The following CACNA2D3 variants were observed in gnomAD, a reference collection of about 807,000 sequenced individuals.
CACNA2D3 encodes voltage-dependent calcium channel subunit alpha-2/delta-3.
In CACNA2D3, 60 loss-of-function variants were observed where a neutral mutation model predicts 160.6. The observed-to-expected ratio is 0.37, with a 90% CI of 0.30 to 0.46. The LOEUF (loss-of-function observed/expected upper bound fraction) is 0.46, where lower values mean the gene tolerates loss of function less well. Ranked by LOEUF, CACNA2D3 falls within the 20% of genes least tolerant of loss-of-function variation. The probability of loss-of-function intolerance (pLI) is 1.00; values close to 1 mark genes in which losing one functional copy is unlikely to be tolerated. For synonymous variants in CACNA2D3, 558 were observed against 492.9 expected (o/e 1.13, Z -1.75); for missense variants, 1,205 against 1,365.0 (o/e 0.88, Z 1.85).
intron 9 of CACNA2D3, among the ~76,000 whole-genome samples, chr3:54,616,559 A>G (rs1405371629): frequency 6.6e-6 from 1 of 152,178 alleles, no homozygotes; most frequent in Non-Finnish European, 1.5e-5. Flanking sequence ...AGGGCCCAAC[A>G]CAAGGGTCTG....
rs1031646072 is a variant in CACNA2D3, at chr3:54,473,762, G to A, written c.382-29730G>A. Among the ~76,000 whole-genome samples, 5 of 152,002 alleles carry A rather than the reference G, an allele frequency of 3.3e-5. No homozygotes were observed. In the East Asian group the frequency reaches 5.8e-4, roughly 18 times the overall value. On this transcript the variant is annotated intron_variant, in intron 4 of 37. Transcript: ENST00000474759. ...ACTTCTCAAAAGAAGACATTTATGC[G>A]GCCAACAAACATATGAAAAAAAGCT...
At chr3:54,476,153 G>C (rs563240387) in intron 4 of CACNA2D3, among the ~76,000 whole-genome samples, 2 of 147,468 alleles carry the variant, frequency 1.4e-5, no homozygotes, top group South Asian at 4.3e-4. Flanking sequence ...GTTCGTCCGT[G>C]TTATCTCAAA....
chr3:54,891,180 C>CGTGT (rs3836392), intron 24 of CACNA2D3, among the ~76,000 whole-genome samples, 175 bp from the exon 25 acceptor site: 42,979 of 141,730 alleles, frequency 0.3, 6,745 homozygotes, highest in East Asian at 0.54. Context: ...AATCTGTGCT[C>CGTGT]GTGTGTGTGT....
intron 27 of CACNA2D3, among the ~76,000 whole-genome samples, chr3:54,952,659 CAGAA>C (rs1271718465): frequency 2.0e-5 from 3 of 152,136 alleles, no homozygotes; most frequent in African/African-American, 7.2e-5. Context: ...ATTCTGAAGT[CAGAA>C]AGATCTGGTG....
Position 54,740,766 on chromosome 3 carries a change from C to T in CACNA2D3, c.1168-11833C>T, listed in dbSNP as rs76220874. Among the ~76,000 whole-genome samples, 406 of 152,246 alleles carry T rather than the reference C, an allele frequency of 2.7e-3. 12 individuals are homozygous for T. The East Asian group carries it at 0.055, about 21-fold the overall frequency. On this transcript the variant is annotated intron_variant, in intron 11 of 37. Coordinates refer to ENST00000474759, the MANE Select transcript of CACNA2D3 (RefSeq NM_018398.3). ...GGAAACTGCTATTTTGGACTAATTC[C>T]TAGTGACAGGGAGGATGGGTTGGGA...
At chr3:54,549,164 A>G (rs112413835) in intron 5 of CACNA2D3, among the ~76,000 whole-genome samples, 17 of 152,282 alleles carry the variant, frequency 1.1e-4, no homozygotes, top group African/African-American at 4.1e-4. Context: ...AACAAACAAC[A>G]GGCCAGGCAT....
intron 34 of CACNA2D3, among the ~76,000 whole-genome samples, chr3:55,009,826 C>T: frequency 6.6e-6 from 1 of 152,152 alleles, no homozygotes. Flanking sequence ...CACAGTTACC[C>T]TCATAGAACA....
intron 4 of CACNA2D3, among the ~76,000 whole-genome samples, chr3:54,459,755 G>C (rs1259657067): frequency 2.0e-5 from 3 of 152,076 alleles, no homozygotes; most frequent in Non-Finnish European, 2.9e-5. Flanking sequence ...TTCTTTTGCT[G>C]TGCAGAAGCT....
intron 12 of CACNA2D3, among the ~76,000 whole-genome samples, chr3:54,761,761 A>T (rs1314137910): frequency 1.3e-5 from 2 of 152,178 alleles, no homozygotes. Context: ...GGCAGGAGTG[A>T]CAATGCATGC....
At chr3:54,192,731 C>T (rs1410276852) in intron 2 of CACNA2D3, among the ~76,000 whole-genome samples, 16 of 152,112 alleles carry the variant, frequency 1.1e-4, no homozygotes, top group Admixed American at 9.8e-4. Context: ...AGATTATTCT[C>T]TGGGGACAAT....
At chr3:54,192,216 G>A (rs1164543833) in intron 2 of CACNA2D3, among the ~76,000 whole-genome samples, 3 of 151,986 alleles carry the variant, frequency 2.0e-5, no homozygotes, top group African/African-American at 4.8e-5. Flanking sequence ...ATGACTGCTT[G>A]GGGGTGGAGG....
chr3:54,232,924 A>G (rs1281097287), intron 2 of CACNA2D3, among the ~76,000 whole-genome samples: 1 of 152,174 alleles, frequency 6.6e-6, no homozygotes, highest in African/African-American at 2.4e-5. Context: ...CTGTACTGTC[A>G]TGATTAGTTT....
chr3:54,612,151 G>A (rs1698760536), intron 9 of CACNA2D3, among the ~76,000 whole-genome samples: 1 of 152,170 alleles, frequency 6.6e-6, no homozygotes, highest in South Asian at 2.1e-4. Context: ...AGAGAGGGAA[G>A]TGAGGGCTTA....
At chr3:54,734,591 A>T (rs972755397) in intron 11 of CACNA2D3, among the ~76,000 whole-genome samples, 5 of 152,276 alleles carry the variant, frequency 3.3e-5, no homozygotes, top group African/African-American at 9.6e-5. Flanking sequence ...CCCCATCACT[A>T]CCCTGGTTGT....
Position 54,942,259 on chromosome 3 carries a change from A to G in CACNA2D3, c.2450-26191A>G, listed in dbSNP as rs185790145. On this transcript the variant is annotated intron_variant, in intron 27 of 37. Coordinates refer to ENST00000474759, the MANE Select transcript of CACNA2D3 (RefSeq NM_018398.3). ...GTCCCTTGAAAGTCCCAGCATGGCT[A>G]AGACTCACCTTCTGAACAGGCAGTC... 2.4e-3 allele frequency among the ~76,000 whole-genome samples: 363 copies of G among 152,268 alleles called. 3 individuals carry two copies. The highest frequency in any genetic ancestry group is 8.4e-3 in the African/African-American group (350 of 41,552).
chr3:54,871,662 C>A, intron 18 of CACNA2D3, 40 bp downstream of exon 18: 1 of 1,467,392 alleles, frequency 6.8e-7, no homozygotes, highest in Non-Finnish European at 9.5e-7. Flanking sequence ...GAAGGACCTG[C>A]ATTGTACCCA....
intron 3 of CACNA2D3, among the ~76,000 whole-genome samples, chr3:54,343,128 C>T (rs988396839): frequency 1.3e-5 from 2 of 151,980 alleles, no homozygotes; most frequent in Admixed American, 6.6e-5. Context: ...ACTTTTTTTT[C>T]CCTCTTGGGA....
intron 17 of CACNA2D3, 40 bp from the exon 18 acceptor site, chr3:54,871,499 A>G (rs1433939625): frequency 1.9e-5 from 29 of 1,503,264 alleles, no homozygotes; most frequent in Non-Finnish European, 2.7e-5. Context: ...GACTTCACGG[A>G]CTTTTGTTTT....
chr3:54,894,460 G>A (rs58625954), intron 25 of CACNA2D3: 52,915 of 430,232 alleles, frequency 0.12, 3,695 homozygotes, highest in African/African-American at 0.16. Context: ...CCCAAAGCCT[G>A]AATGTCACTG....
Sources: gnomAD v4.1 joint callset for allele counts (sites outside exome capture counted in the v4.1 genomes callset) on GRCh38, gnomAD v4.1.1 for gene constraint, MANE v1.5 for transcripts, NCBI Gene and HGNC (gene_info 2026-07-23, HGNC 2026-07-21) for gene names.